Variants in TRHDE observed in about 807,000 individuals in gnomAD.
TRHDE encodes thyrotropin-releasing hormone-degrading ectoenzyme.
In TRHDE, 72 loss-of-function variants were observed where a neutral mutation model predicts 125.7. The observed-to-expected ratio is 0.57, with a 90% CI of 0.47 to 0.70. The LOEUF (loss-of-function observed/expected upper bound fraction) is 0.70. Among genes scored for constraint, TRHDE ranks in the 30% least tolerant of loss-of-function variants. The pLI, the probability that TRHDE is intolerant of heterozygous loss-of-function variation, is 0.00. For synonymous variants in TRHDE, 509 were observed against 509.1 expected (o/e 1.00, Z 0.00); for missense variants, 1,110 against 1,327.1 (o/e 0.84, Z 2.54).
rs767806583 is a variant in TRHDE, at chr12:72,670,219, T to A, written c.*7024T>A. ...AAAAAGTAGCTGTTCTTTCAGTAAA[T>A]AAGTGTTAATAAAGCAGTGACCAAA... On this transcript the variant is annotated 3_prime_UTR_variant, in exon 19 of 19. Transcript: ENST00000261180. 1.3e-5 allele frequency: 2 copies of A among 151,790 alleles called. No individual in the cohort carries two copies. The highest frequency in any genetic ancestry group is 2.4e-5 in the African/African-American group (1 of 41,414). The allele number at this position is 151,790 out of a possible 1,614,324, so 9.4% of individuals were successfully genotyped here.
intron 2 of TRHDE, among the ~76,000 whole-genome samples, chr12:72,206,690 A>G (rs959028913): frequency 6.6e-6 from 1 of 152,086 alleles, no homozygotes; most frequent in Non-Finnish European, 1.5e-5. Flanking sequence ...ATGGAATTCT[A>G]TTTTGTTGGG....
At chr12:72,575,184 G>A (rs538751749) in intron 10 of TRHDE, 71 bp from the exon 11 acceptor site, 97 of 1,474,062 alleles carry the variant, frequency 6.6e-5, no homozygotes, top group South Asian at 4.8e-4. Flanking sequence ...TATATCTGGC[G>A]TTAAGAAAAC....
chr12:72,634,370 A>G (rs1873627586), intron 15 of TRHDE, among the ~76,000 whole-genome samples: 1 of 151,798 alleles, frequency 6.6e-6, no homozygotes, highest in African/African-American at 2.4e-5. Context: ...TCCTATCCCC[A>G]TAGAGGTAAG....
intron 10 of TRHDE, among the ~76,000 whole-genome samples, chr12:72,572,500 G>T (rs1376418963): frequency 6.6e-6 from 1 of 151,864 alleles, no homozygotes; most frequent in African/African-American, 2.4e-5. Context: ...TTCATTGCTT[G>T]CCATCATTTA....
At chr12:72,302,805 CT>C (rs1021893364) in intron 2 of TRHDE, among the ~76,000 whole-genome samples, 30 of 152,156 alleles carry the variant, frequency 2.0e-4, no homozygotes, top group African/African-American at 7.2e-4. Flanking sequence ...AAGGCTTTAC[CT>C]TTACCACCCT....
At chr12:72,625,547 C>T (rs942283743) in intron 15 of TRHDE, among the ~76,000 whole-genome samples, 1 of 151,844 alleles carries the variant, frequency 6.6e-6, no homozygotes, top group African/African-American at 2.4e-5. Context: ...AGCTTCACTA[C>T]TTATTCAATT....
chr12:72,476,442 TA>T (rs1876896538), intron 5 of TRHDE, among the ~76,000 whole-genome samples: 1 of 152,172 alleles, frequency 6.6e-6, no homozygotes, highest in South Asian at 2.1e-4. Flanking sequence ...CGAATTTTCA[TA>T]ATGGCATCAG....
At chr12:72,271,757 G>A (rs1879221067), upstream of TRHDE, 5 of 379,512 alleles carry the variant, frequency 1.3e-5, no homozygotes, top group Admixed American at 1.2e-4. Context: ...ACATGCACAC[G>A]CGCTCGGACA....
At chr12:72,432,305 T>C (rs1401831296) in intron 3 of TRHDE, among the ~76,000 whole-genome samples, 1 of 152,190 alleles carries the variant, frequency 6.6e-6, no homozygotes, top group Non-Finnish European at 1.5e-5. Flanking sequence ...TGCTTGCTTT[T>C]ATTCAGTGCA....
chr12:72,199,385 G>A (rs1877509755), intron 2 of TRHDE, among the ~76,000 whole-genome samples: 1 of 152,170 alleles, frequency 6.6e-6, no homozygotes, highest in Non-Finnish European at 1.5e-5. Context: ...AAAGGAAAGA[G>A]GGACAGGTAG....
chr12:72,202,842 T>C (rs1377274273), intron 2 of TRHDE, among the ~76,000 whole-genome samples: 1 of 152,182 alleles, frequency 6.6e-6, no homozygotes, highest in Non-Finnish European at 1.5e-5. Context: ...TCTAATAAAA[T>C]GTTTATTTAT....
chr12:72,266,187 A>T (rs958333136), intron 2 of TRHDE, among the ~76,000 whole-genome samples: 1 of 152,082 alleles, frequency 6.6e-6, no homozygotes, highest in Non-Finnish European at 1.5e-5. Flanking sequence ...ACTAGAAGAT[A>T]CATGTGGATG....
chr12:72,564,064 A>G (rs1870313270), intron 9 of TRHDE, among the ~76,000 whole-genome samples: 1 of 152,196 alleles, frequency 6.6e-6, no homozygotes, highest in Admixed American at 6.5e-5. Context: ...TGAGAAATTC[A>G]TGAATGTTTC....
At chr12:72,398,225 G>A (rs559418293) in intron 3 of TRHDE, among the ~76,000 whole-genome samples, 30 of 151,896 alleles carry the variant, frequency 2.0e-4, no homozygotes, top group Non-Finnish European at 4.0e-4. Context: ...TCTTAATCCA[G>A]TCTATCATTG....
chr12:72,428,239 A>C (rs997990023), intron 3 of TRHDE, among the ~76,000 whole-genome samples: 1 of 152,162 alleles, frequency 6.6e-6, no homozygotes, highest in Non-Finnish European at 1.5e-5. Context: ...ATGTATCTAC[A>C]TAATGACTCT....
At chr12:72,353,185 A>C (rs1408960729) in intron 2 of TRHDE, among the ~76,000 whole-genome samples, 2 of 151,738 alleles carry the variant, frequency 1.3e-5, no homozygotes, top group Non-Finnish European at 3.0e-5. Context: ...AATTATGTTC[A>C]CAAAAATGAC....
intron 6 of TRHDE, among the ~76,000 whole-genome samples, chr12:72,499,865 T>C (rs1035666135): frequency 2.6e-5 from 4 of 152,180 alleles, no homozygotes; most frequent in African/African-American, 9.7e-5. Flanking sequence ...ATTGGAAATA[T>C]TAATCAATAA....
rs1439560542 is a variant in TRHDE, at chr12:72,549,735, T to G, written c.1788+7379T>G. Among the ~76,000 whole-genome samples the G allele has an allele frequency of 2.0e-5, 3 of 151,802 alleles. No individual in the cohort carries two copies. The East Asian group carries it at 5.8e-4, about 29-fold the overall frequency. The stretch of plus-strand genomic sequence containing the variant: ...AAATATTTAAGTTTGAGAAAAGATT[T>G]GATGGATTTCAGAATTAAAAATTCC... On this transcript the variant is annotated intron_variant, in intron 7 of 18. Coordinates refer to ENST00000261180, the MANE Select transcript of TRHDE (RefSeq NM_013381.3).
chr12:72,378,131 T>A lies in TRHDE; in HGVS notation c.1315+10T>A, dbSNP rs1871979484. 6.4e-7 allele frequency: 1 copy of A among 1,572,500 alleles called. No individual in the cohort carries two copies. Among genetic ancestry groups the A allele is most frequent in the Non-Finnish European group, 8.6e-7 (1 of 1,165,658 alleles). On this transcript the variant is annotated intron_variant, in intron 3 of 18. Coordinates refer to ENST00000261180, the MANE Select transcript of TRHDE (RefSeq NM_013381.3). ...TCCTTGCCAAAACTAGGTAAGAATTTTCTTGGTTATTTTATTGGAAGGGCT... is the reference window on the plus strand; with the variant it reads ...TCCTTGCCAAAACTAGGTAAGAATTATCTTGGTTATTTTATTGGAAGGGCT...
Sources: allele counts gnomAD v4.1 joint callset (sites outside exome capture counted in the v4.1 genomes callset), GRCh38; gene constraint gnomAD v4.1.1; transcripts MANE v1.5; gene names NCBI Gene and HGNC (gene_info 2026-07-23, HGNC 2026-07-21).